The following SDCCAG8 variants were observed in gnomAD, a reference collection of about 807,000 sequenced individuals.
The protein encoded by SDCCAG8 is serologically defined colon cancer antigen 8.
SDCCAG8 carries 74 observed loss-of-function variants against 101.8 expected under a neutral mutation model. The observed-to-expected ratio is 0.73, with a 90% CI of 0.60 to 0.88. The LOEUF (loss-of-function observed/expected upper bound fraction) is 0.88, where lower values mean the gene tolerates loss of function less well. SDCCAG8 is among the 40% of genes least tolerant of loss of function. SDCCAG8 has a pLI of 0.00. For synonymous variants in SDCCAG8, 281 were observed against 292.9 expected (o/e 0.96, Z 0.41); for missense variants, 787 against 822.6 (o/e 0.96, Z 0.53).
chr1:243,266,513 T>G (rs2149256993), intron 1 of SDCCAG8, among the ~76,000 whole-genome samples: 1 of 151,538 alleles, frequency 6.6e-6, no homozygotes, highest in South Asian at 2.1e-4. Context: ...ACAGATGGGG[T>G]TTTGTCACGT....
chr1:243,278,258 T>C (rs1031091795), intron 4 of SDCCAG8, among the ~76,000 whole-genome samples: 1 of 152,232 alleles, frequency 6.6e-6, no homozygotes, highest in African/African-American at 2.4e-5. Context: ...TCTCGCTCTG[T>C]CACCCAGGCT....
intron 13 of SDCCAG8, among the ~76,000 whole-genome samples, chr1:243,380,459 A>G (rs528082724): frequency 6.6e-6 from 1 of 152,286 alleles, no homozygotes; most frequent in Non-Finnish European, 1.5e-5. Context: ...ATAAATATTA[A>G]TGCTGGTTTT....
At chr1:243,456,852 C>A (rs2083796843) in intron 16 of SDCCAG8, among the ~76,000 whole-genome samples, 1 of 152,166 alleles carries the variant, frequency 6.6e-6, no homozygotes, top group Non-Finnish European at 1.5e-5. Context: ...GCTTGAAAAT[C>A]TTTTGGTAGA....
chr1:243,472,615 C>G lies in SDCCAG8; in HGVS notation c.1986-16399C>G, dbSNP rs904377063. 2.6e-5 allele frequency among the ~76,000 whole-genome samples: 4 copies of G among 152,320 alleles called. No individual in the cohort carries two copies. The East Asian group carries it at 7.7e-4, about 29-fold the overall frequency. ...CTGTGGGAAATAGGAAGCTGTCATG[C>G]CTACTGCAGCTTCCCTCAAAGGTAC... On this transcript the variant is annotated intron_variant, in intron 16 of 17. Coordinates refer to ENST00000366541, the MANE Select transcript of SDCCAG8 (RefSeq NM_006642.5).
At chr1:243,324,414 A>C (rs2149341579) in intron 9 of SDCCAG8, among the ~76,000 whole-genome samples, 1 of 141,026 alleles carries the variant, frequency 7.1e-6, no homozygotes, top group East Asian at 2.1e-4. Flanking sequence ...CTACCTTTTC[A>C]TTCTTATACC....
rs1016272955 is a variant in SDCCAG8 at position 243,256,095 on chromosome 1, C to G, written c.-79C>G. 3 of 1,398,452 alleles carry G rather than the reference C, an allele frequency of 2.1e-6. No individual in the cohort carries two copies. Among genetic ancestry groups the G allele is most frequent in the Middle Eastern group, 1.8e-4 (1 of 5,662 alleles). 86.6% of individuals were successfully genotyped at this position (1,398,452 alleles called of 1,614,324 possible). A position where few individuals can be genotyped will look rare whatever the true frequency, so the allele number is the denominator to read the frequency against. ...AGGAAGCAGGCGGGCGCTCCCCGGC[C>G]ACAGGCCTGTTGTTCTCGGAAGGGA... On this transcript the variant is annotated 5_prime_UTR_variant, in exon 1 of 18. Transcript: ENST00000366541.
chr1:243,383,879 C>G (rs1385477485), intron 13 of SDCCAG8, among the ~76,000 whole-genome samples: 1 of 152,122 alleles, frequency 6.6e-6, no homozygotes, highest in Non-Finnish European at 1.5e-5. Flanking sequence ...CATAGCTCCC[C>G]TTTTTCCCTC....
Position 243,474,875 on chromosome 1 carries a change from T to C in SDCCAG8, c.1986-14139T>C, listed in dbSNP as rs538890248. Among the ~76,000 whole-genome samples, 2 of 152,348 alleles carry C rather than the reference T, an allele frequency of 1.3e-5. No individual in the cohort carries two copies. The highest frequency in any genetic ancestry group is 2.1e-4 in the South Asian group (1 of 4,832). On this transcript the variant is annotated intron_variant, in intron 16 of 17. Coordinates refer to ENST00000366541, the MANE Select transcript of SDCCAG8 (RefSeq NM_006642.5). This position sits in a 1 kb window ranked among gnomAD's most constrained non-coding sequence, Gnocchi z 4.7. ...TCAACTCCGAGACTGAAGCATTTTA[T>C]TGGCAGCATTTAGAATCGGGGAAAA...
intron 13 of SDCCAG8, among the ~76,000 whole-genome samples, chr1:243,394,976 C>T (rs1371177164): frequency 1.3e-5 from 2 of 151,914 alleles, no homozygotes; most frequent in Admixed American, 6.6e-5. Flanking sequence ...TAAATATTAA[C>T]GGTGTTCTCT....
At chr1:243,294,093 C>A (rs1402304779) in intron 6 of SDCCAG8, among the ~76,000 whole-genome samples, 1 of 152,100 alleles carries the variant, frequency 6.6e-6, no homozygotes, top group Admixed American at 6.5e-5. Context: ...TAAAGTCTTT[C>A]CCCAGTAAGT....
chr1:243,458,188 T>A lies in SDCCAG8; in HGVS notation c.1986-30826T>A, dbSNP rs1261885031. On this transcript the variant is annotated intron_variant, in intron 16 of 17. Coordinates refer to ENST00000366541, the MANE Select transcript of SDCCAG8 (RefSeq NM_006642.5). This position sits in a 1 kb window ranked among gnomAD's most constrained non-coding sequence, Gnocchi z 4.5. ...GCACACACAATCTTAAGGTCTTTGC[T>A]GTAAGAAGCTCAACCATCCTTTAGC... Among the ~76,000 whole-genome samples, 3 of 152,184 alleles carry A rather than the reference T, an allele frequency of 2.0e-5. No homozygotes were observed. Among genetic ancestry groups the A allele is most frequent in the Non-Finnish European group, 4.4e-5 (3 of 68,044 alleles).
chr1:243,378,984 A>T, intron 13 of SDCCAG8, 121 bp downstream of exon 13: 1 of 1,318,008 alleles, frequency 7.6e-7, no homozygotes, highest in East Asian at 2.3e-5. Context: ...GCTTTCAGGC[A>T]TATTAAGAAA....
At chr1:243,296,700 G>A (rs1306730807) in intron 6 of SDCCAG8, among the ~76,000 whole-genome samples, 1 of 151,412 alleles carries the variant, frequency 6.6e-6, no homozygotes, top group Non-Finnish European at 1.5e-5. Flanking sequence ...CCGCCACTGC[G>A]CCCGGCTAAT....
intron 9 of SDCCAG8, 41 bp downstream of exon 9, chr1:243,316,934 T>C (rs753594667): frequency 1.3e-6 from 2 of 1,590,514 alleles, no homozygotes; most frequent in South Asian, 2.3e-5. Context: ...CTTTCTTTTT[T>C]TTTTCTTTTT....
At chr1:243,287,442 A>T (rs1421225948) in intron 5 of SDCCAG8, among the ~76,000 whole-genome samples, 1 of 150,690 alleles carries the variant, frequency 6.6e-6, no homozygotes, top group Admixed American at 6.6e-5. Context: ...TTGAATTGAT[A>T]GTTGGTTTAT....
intron 11 of SDCCAG8, 135 bp from the exon 12 acceptor site, chr1:243,344,080 A>G (rs2075550464): frequency 1.4e-6 from 1 of 725,690 alleles, no homozygotes; most frequent in Non-Finnish European, 2.5e-6. Flanking sequence ...GAATAGTCTA[A>G]TAGAAAATGG....
At chr1:243,346,244 A>G (rs1254655423) in intron 12 of SDCCAG8, 2 of 154,408 alleles carry the variant, frequency 1.3e-5, no homozygotes, top group Non-Finnish European at 2.9e-5. Flanking sequence ...CCAAAGAACT[A>G]CTTTGCTTGG....
intron 16 of SDCCAG8, among the ~76,000 whole-genome samples, chr1:243,461,741 A>G (rs1383105332): frequency 1.3e-5 from 2 of 152,092 alleles, no homozygotes; most frequent in Non-Finnish European, 2.9e-5. Flanking sequence ...TAAATGTACC[A>G]TGGTACATTT....
At chr1:243,279,567 C>G (rs1227623573) in intron 4 of SDCCAG8, among the ~76,000 whole-genome samples, 2 of 152,214 alleles carry the variant, frequency 1.3e-5, no homozygotes, top group African/African-American at 2.4e-5. Context: ...TCAAAAAAAT[C>G]ATAAGTCAAA....
Sources: allele counts gnomAD v4.1 joint callset (sites outside exome capture counted in the v4.1 genomes callset), GRCh38; gene constraint gnomAD v4.1.1; non-coding constraint Gnocchi (gnomAD v3.1); transcripts MANE v1.5; gene names NCBI Gene and HGNC (gene_info 2026-07-23, HGNC 2026-07-21).